The following PPP1R7 variants were observed in gnomAD, a reference collection of about 807,000 sequenced individuals.
PPP1R7 encodes protein phosphatase 1 regulatory subunit 22.
In PPP1R7, 18 loss-of-function variants were observed where a neutral mutation model predicts 45.2. That is an observed-to-expected ratio of 0.40 (90% CI 0.28 to 0.59). The LOEUF (loss-of-function observed/expected upper bound fraction) is 0.59, where lower values mean the gene tolerates loss of function less well. Ranked by LOEUF, PPP1R7 falls within the 20% of genes least tolerant of loss-of-function variation. PPP1R7 has a pLI of 0.46. For synonymous variants in PPP1R7, 181 were observed against 183.4 expected, an observed-to-expected ratio of 0.99 and a Z score of 0.11; for missense variants, 314 against 455.8, an observed-to-expected ratio of 0.69 and a Z score of 2.83.
At chr2:241,165,470 C>CA (rs776532694) in intron 7 of PPP1R7, among the ~76,000 whole-genome samples, 35 of 151,992 alleles carry the variant, frequency 2.3e-4, no homozygotes, top group Non-Finnish European at 4.9e-4. Context: ...CCTGGCCTAA[C>CA]AATGAATTCT....
chr2:241,162,301 G>A (rs983074195), intron 6 of PPP1R7, among the ~76,000 whole-genome samples: 3 of 152,144 alleles, frequency 2.0e-5, no homozygotes, highest in African/African-American at 7.2e-5. Context: ...TCCCCACCTG[G>A]TTAGCATGCA....
At chr2:241,160,587 G>T (rs553636439) in intron 6 of PPP1R7, 93 bp downstream of exon 6, 1 of 1,101,602 alleles carries the variant, frequency 9.1e-7, no homozygotes, top group Non-Finnish European at 1.2e-6. Context: ...TGCATGGTGA[G>T]TCTGCATTTC....
intron 6 of PPP1R7, 45 bp from the exon 7 acceptor site, chr2:241,163,240 A>G (rs2067633497): frequency 7.4e-7 from 1 of 1,351,230 alleles, no homozygotes; most frequent in African/African-American, 1.4e-5. Context: ...TGCCTGGGGC[A>G]GCCTGTCAAC....
chr2:241,176,208 C>A lies in PPP1R7; in HGVS notation c.906+6341C>A, dbSNP rs150968196. 3.5e-3 allele frequency among the ~76,000 whole-genome samples: 532 copies of A among 152,168 alleles called. 1 individual carries two copies. The highest frequency in any genetic ancestry group is 0.012 in the African/African-American group (508 of 41,516). On this transcript the variant is annotated intron_variant, in intron 9 of 9. Coordinates refer to ENST00000234038, the MANE Select transcript of PPP1R7 (RefSeq NM_002712.3). ...GATTACAGGTGTGAGCCACCATGCC[C>A]AGTCAGTGCCTGAAACATATTTGAA...
At chr2:241,181,088 C>T (rs2067996311) in intron 9 of PPP1R7, among the ~76,000 whole-genome samples, 2 of 152,050 alleles carry the variant, frequency 1.3e-5, no homozygotes, top group East Asian at 1.9e-4. Flanking sequence ...ATCCCAGCTA[C>T]TTGGGAGGCT....
chr2:241,154,434 T>C (rs2067400660), intron 2 of PPP1R7, among the ~76,000 whole-genome samples: 1 of 152,058 alleles, frequency 6.6e-6, no homozygotes, highest in South Asian at 2.1e-4. Context: ...ACGCCTGTAA[T>C]CCTAGCACTT....
intron 8 of PPP1R7, among the ~76,000 whole-genome samples, chr2:241,167,984 C>T (rs927190951): frequency 3.3e-5 from 5 of 152,178 alleles, no homozygotes; most frequent in Admixed American, 2.0e-4. Flanking sequence ...CAGTGTCTCA[C>T]GACTCCTGTC....
chr2:241,168,400 A>C (rs367631952), intron 8 of PPP1R7, among the ~76,000 whole-genome samples: 60 of 152,200 alleles, frequency 3.9e-4, no homozygotes, highest in African/African-American at 1.3e-3. Flanking sequence ...TGCATACCAG[A>C]TGACCATGAG....
At chr2:241,163,726 A>G (rs1262960026) in intron 7 of PPP1R7, among the ~76,000 whole-genome samples, 2 of 150,554 alleles carry the variant, frequency 1.3e-5, no homozygotes, top group African/African-American at 4.9e-5. Flanking sequence ...ACCTCAGCCT[A>G]CCAAGTCGGT....
At chr2:241,161,074 C>T (rs1218777611) in intron 6 of PPP1R7, among the ~76,000 whole-genome samples, 1 of 132,872 alleles carries the variant, frequency 7.5e-6, no homozygotes, top group East Asian at 2.2e-4. Context: ...CATGCTTCTT[C>T]GAGATGAAAG....
At chr2:241,163,850 A>G (rs1003257191) in intron 7 of PPP1R7, among the ~76,000 whole-genome samples, 4 of 152,062 alleles carry the variant, frequency 2.6e-5, no homozygotes, top group African/African-American at 9.7e-5. Flanking sequence ...CTTGACCTCA[A>G]GTGATCTTCC....
chr2:241,153,430 G>A, intron 1 of PPP1R7, 46 bp from the exon 2 acceptor site: 1 of 1,608,320 alleles, frequency 6.2e-7, no homozygotes, highest in Non-Finnish European at 8.5e-7. Flanking sequence ...GTTCCTCAAA[G>A]TCCCATAAAG....
intron 9 of PPP1R7, among the ~76,000 whole-genome samples, chr2:241,182,002 CAAAAA>C (rs60709076): frequency 7.2e-6 from 1 of 138,096 alleles, no homozygotes; most frequent in African/African-American, 2.6e-5. Flanking sequence ...GACTCTGTCT[CAAAAA>C]AAAAAAAAAT....
chr2:241,182,414 G>A (rs1014236005), intron 9 of PPP1R7, among the ~76,000 whole-genome samples: 3 of 152,180 alleles, frequency 2.0e-5, no homozygotes, highest in East Asian at 3.9e-4. Context: ...ACTTGGCCCC[G>A]TCATAGTGAC....
chr2:241,165,995 C>T (rs192192112), intron 7 of PPP1R7, among the ~76,000 whole-genome samples: 141 of 151,722 alleles, frequency 9.3e-4, no homozygotes, highest in African/African-American at 2.9e-3. Context: ...CTCCGCCTCC[C>T]GGGTTCACGC....
chr2:241,174,891 A>G (rs747224376), intron 9 of PPP1R7, among the ~76,000 whole-genome samples: 4 of 151,928 alleles, frequency 2.6e-5, no homozygotes, highest in East Asian at 1.9e-4. Context: ...TAGCCAGGAC[A>G]GTCTCCATCT....
In PPP1R7 at chr2:241,183,500, C is replaced by A. The variant is rs1047367590; in HGVS notation, c.*677C>A. 1 of 467,418 alleles carries A rather than the reference C, an allele frequency of 2.1e-6. No homozygotes were observed. The highest frequency in any genetic ancestry group is 4.4e-6 in the Non-Finnish European group (1 of 226,082). 29.0% of individuals were successfully genotyped at this position (467,418 alleles called of 1,614,324 possible). On this transcript the variant is annotated 3_prime_UTR_variant, in exon 10 of 10. Coordinates refer to ENST00000234038, the MANE Select transcript of PPP1R7 (RefSeq NM_002712.3). ...TGGGGAGGGTGTCCTGTGTCCCACA[C>A]GGTGCTGTGCTGCTGCCAGAATACG... is the stretch of plus-strand genomic sequence containing the variant.
chr2:241,165,988 C>T (rs371818920), intron 7 of PPP1R7, among the ~76,000 whole-genome samples: 5 of 151,388 alleles, frequency 3.3e-5, no homozygotes, highest in Non-Finnish European at 5.9e-5. Context: ...CTGCAATCTC[C>T]GCCTCCCGGG....
At chr2:241,164,578 T>C (rs1158943325) in intron 7 of PPP1R7, among the ~76,000 whole-genome samples, 1 of 152,188 alleles carries the variant, frequency 6.6e-6, no homozygotes. Flanking sequence ...TAACCCTTGG[T>C]GAAGCAGAAG....
Sources: gnomAD v4.1 joint callset for allele counts (sites outside exome capture counted in the v4.1 genomes callset) on GRCh38, gnomAD v4.1.1 for gene constraint, MANE v1.5 for transcripts, NCBI Gene and HGNC (gene_info 2026-07-23, HGNC 2026-07-21) for gene names.